The following GRID2 variants were observed in gnomAD, a reference collection of about 807,000 sequenced individuals.
GRID2 encodes the protein glutamate ionotropic receptor delta type subunit 2.
A neutral mutation model predicts 114.8 loss-of-function variants in GRID2; 33 were observed. That is an observed-to-expected ratio of 0.29 (90% CI 0.22 to 0.38). GRID2 has a LOEUF of 0.38. GRID2 is among the 10% of genes least tolerant of loss of function. GRID2 has a pLI of 1.00. For synonymous variants in GRID2, 505 were observed against 449.9 expected, an observed-to-expected ratio of 1.12 and a Z score of -1.55; for missense variants, 1,184 against 1,257.7, an observed-to-expected ratio of 0.94 and a Z score of 0.89.
At chr4:93,730,294 C>T (rs1178215733) in intron 14 of GRID2, among the ~76,000 whole-genome samples, 2 of 150,034 alleles carry the variant, frequency 1.3e-5, no homozygotes, top group Non-Finnish European at 3.0e-5. Flanking sequence ...CAGAAAACTT[C>T]CTCAGAAAAT....
chr4:93,232,385 T>A (rs1354161081), intron 7 of GRID2, among the ~76,000 whole-genome samples: 16 of 149,854 alleles, frequency 1.1e-4, no homozygotes, highest in Admixed American at 1.3e-4. Flanking sequence ...GTTAAAATTT[T>A]TGTAATTATT....
intron 2 of GRID2, among the ~76,000 whole-genome samples, chr4:92,914,550 C>G (rs1305791136): frequency 6.6e-6 from 1 of 152,066 alleles, no homozygotes; most frequent in African/African-American, 2.4e-5. Flanking sequence ...AGTTACTTTT[C>G]CTGATCCTCT....
At chr4:92,879,231 G>A (rs560333937) in intron 2 of GRID2, among the ~76,000 whole-genome samples, 95 of 152,230 alleles carry the variant, frequency 6.2e-4, no homozygotes, top group Middle Eastern at 3.4e-3. Flanking sequence ...GGAGGTATGA[G>A]GGTATTGATA....
intron 4 of GRID2, among the ~76,000 whole-genome samples, chr4:93,140,470 A>AT (rs1399132818): frequency 3.9e-5 from 6 of 152,092 alleles, no homozygotes; most frequent in South Asian, 2.1e-4. Context: ...AATCCGTGTC[A>AT]TTTTTTTATG....
intron 2 of GRID2, among the ~76,000 whole-genome samples, chr4:92,820,704 AT>A (rs1467095245): frequency 1.3e-5 from 2 of 152,118 alleles, no homozygotes; most frequent in African/African-American, 4.8e-5. Context: ...TCTATTTAGA[AT>A]GCATTTTTTG....
At chr4:92,440,594 C>T (rs1367190929) in intron 1 of GRID2, among the ~76,000 whole-genome samples, 1 of 151,936 alleles carries the variant, frequency 6.6e-6, no homozygotes, top group East Asian at 1.9e-4. Flanking sequence ...GAAGTTATTT[C>T]CTTGAGGATA....
rs563261400 is a variant in GRID2, at chr4:92,653,031, A to G, written c.244+62745A>G. 5.7e-3 allele frequency among the ~76,000 whole-genome samples: 825 copies of G among 145,994 alleles called. 12 individuals are homozygous for G. The highest frequency in any genetic ancestry group is 0.022 in the Middle Eastern group (6 of 278). On this transcript the variant is annotated intron_variant, in intron 2 of 15. Transcript: ENST00000282020. ...ACATATATATACTTTTTTTTTTCTAAGTTGGCGTCTCACTCTGTCACTCCA... is the reference window on the plus strand; with the variant it reads ...ACATATATATACTTTTTTTTTTCTAGGTTGGCGTCTCACTCTGTCACTCCA...
chr4:93,254,717 A>C (rs943013465), intron 8 of GRID2, among the ~76,000 whole-genome samples: 1 of 152,094 alleles, frequency 6.6e-6, no homozygotes, highest in African/African-American at 2.4e-5. Context: ...CACTTTCATT[A>C]AATAAGAGAC....
chr4:92,806,755 A>G (rs1027726088), intron 2 of GRID2, among the ~76,000 whole-genome samples: 1 of 151,976 alleles, frequency 6.6e-6, no homozygotes, highest in Non-Finnish European at 1.5e-5. Context: ...AACTTCTGCA[A>G]ATAAGTTTTA....
intron 12 of GRID2, among the ~76,000 whole-genome samples, chr4:93,495,384 T>C (rs1361473467): frequency 1.3e-5 from 2 of 151,842 alleles, no homozygotes; most frequent in Admixed American, 6.6e-5. Flanking sequence ...TTTTTCTAAG[T>C]GTTCACAGGT....
intron 1 of GRID2, among the ~76,000 whole-genome samples, chr4:92,420,022 A>T (rs925750932): frequency 6.6e-6 from 1 of 152,158 alleles, no homozygotes; most frequent in Non-Finnish European, 1.5e-5. Flanking sequence ...ACAAATATAT[A>T]GTCTTGACAT....
intron 10 of GRID2, among the ~76,000 whole-genome samples, chr4:93,443,618 G>C (rs1184137506): frequency 6.6e-6 from 1 of 151,916 alleles, no homozygotes; most frequent in Non-Finnish European, 1.5e-5. Flanking sequence ...CGAAAGGAAA[G>C]TGGTGATACA....
At chr4:92,882,344 C>T (rs900425258) in intron 2 of GRID2, among the ~76,000 whole-genome samples, 1 of 152,126 alleles carries the variant, frequency 6.6e-6, no homozygotes, top group Admixed American at 6.5e-5. Flanking sequence ...ATATTTTCCT[C>T]AGAACTTAAG....
At chr4:92,961,091 AC>A (rs1210488147) in intron 2 of GRID2, among the ~76,000 whole-genome samples, 5 of 151,820 alleles carry the variant, frequency 3.3e-5, no homozygotes, top group African/African-American at 1.2e-4. Context: ...AATAATAATT[AC>A]CCCCTCCATT....
intron 2 of GRID2, chr4:92,885,099 CTG>C (rs759326781): frequency 2.1e-4 from 67 of 319,602 alleles, no homozygotes; most frequent in African/African-American, 1.1e-3. Context: ...AATAAAAAAA[CTG>C]TTAAAATTTA....
At chr4:93,028,706 T>C (rs1037067562) in intron 2 of GRID2, among the ~76,000 whole-genome samples, 2 of 152,110 alleles carry the variant, frequency 1.3e-5, no homozygotes, top group African/African-American at 4.8e-5. Context: ...CTGCCATTAC[T>C]GTCTTAAAAT....
At chr4:92,508,201 T>C (rs1363527768) in intron 1 of GRID2, among the ~76,000 whole-genome samples, 2 of 151,924 alleles carry the variant, frequency 1.3e-5, no homozygotes, top group African/African-American at 4.8e-5. Flanking sequence ...GAAACAGTTG[T>C]TGTATAAAGT....
At chr4:92,821,647 A>G (rs1741290611) in intron 2 of GRID2, among the ~76,000 whole-genome samples, 1 of 152,184 alleles carries the variant, frequency 6.6e-6, no homozygotes, top group East Asian at 1.9e-4. Flanking sequence ...ACTGTGATCA[A>G]CTTACAAATT....
chr4:93,768,208 G>T (rs982713007), intron 14 of GRID2, among the ~76,000 whole-genome samples: 3 of 152,206 alleles, frequency 2.0e-5, no homozygotes, highest in Non-Finnish European at 4.4e-5. Context: ...CTGGGAATAG[G>T]CCTGGCAGGC....
Sources: gnomAD v4.1 joint callset for allele counts (sites outside exome capture counted in the v4.1 genomes callset) on GRCh38, gnomAD v4.1.1 for gene constraint, MANE v1.5 for transcripts, NCBI Gene and HGNC (gene_info 2026-07-23, HGNC 2026-07-21) for gene names.